STAG1: variants seen among roughly 807,000 people sequenced by gnomAD.
STAG1 encodes the protein cohesin subunit SA-1.
A neutral mutation model predicts 170.9 loss-of-function variants in STAG1; 26 were observed. That is an observed-to-expected ratio of 0.15 (90% confidence interval 0.11 to 0.21). The LOEUF (loss-of-function observed/expected upper bound fraction) is 0.21, where lower values mean the gene tolerates loss of function less well. Among genes scored for constraint, STAG1 ranks in the 10% least tolerant of loss-of-function variants. STAG1 has a pLI of 1.00. For missense variants in STAG1, 964 were observed against 1,509.5 expected, an observed-to-expected ratio of 0.64 and a Z score of 5.99; for synonymous variants, 514 against 497.7, an observed-to-expected ratio of 1.03 and a Z score of -0.44.
chr3:136,488,814 A>G (rs1230126198), intron 9 of STAG1, among the ~76,000 whole-genome samples: 4 of 152,220 alleles, frequency 2.6e-5, no homozygotes, highest in Admixed American at 6.5e-5. Context: ...TGATTACAAC[A>G]TATCTTTTGA....
chr3:136,645,795 C>G (rs575405544), intron 1 of STAG1, among the ~76,000 whole-genome samples: 2 of 152,104 alleles, frequency 1.3e-5, no homozygotes, highest in African/African-American at 4.8e-5. Context: ...ACATATATAC[C>G]ACCGTTTAAT....
intron 5 of STAG1, among the ~76,000 whole-genome samples, chr3:136,561,449 T>C (rs1431461949): frequency 6.6e-6 from 1 of 152,258 alleles, no homozygotes; most frequent in Non-Finnish European, 1.5e-5. Flanking sequence ...ACCATCACAG[T>C]GAAATGTAAA....
Position 136,428,526 on chromosome 3 carries a change from GGGTCCATAGAACCCTTAAA to G in STAG1, c.1650+5011_1650+5029del, listed in dbSNP as rs1268787779. Among the ~76,000 whole-genome samples, 8 of 152,200 alleles carry G rather than the reference GGGTCCATAGAACCCTTAAA, an allele frequency of 5.3e-5. No individual in the cohort carries two copies. The East Asian group carries it at 1.5e-3, about 29-fold the overall frequency. On this transcript the variant is annotated intron_variant, in intron 16 of 33. Transcript: ENST00000383202. ...ATCTCTAAATCAGCCTACAGATCAG[GGGTCCATAGAACCCTTAAA>G]GGTCATTAAACATAGTACTCAATGG...
intron 4 of STAG1, among the ~76,000 whole-genome samples, chr3:136,592,622 C>T (rs973928807): frequency 6.6e-5 from 10 of 152,102 alleles, no homozygotes; most frequent in African/African-American, 2.4e-4. Context: ...TGATGGTGAC[C>T]ACCAGAACTA....
At chr3:136,708,353 TAAGTAA>T (rs1943284445) in intron 1 of STAG1, among the ~76,000 whole-genome samples, 1 of 151,864 alleles carries the variant, frequency 6.6e-6, no homozygotes, top group African/African-American at 2.4e-5. Flanking sequence ...AACATGACAC[TAAGTAA>T]AAGAAGCCAA....
chr3:136,357,389 T>C (rs930258881), intron 28 of STAG1, among the ~76,000 whole-genome samples: 4 of 152,144 alleles, frequency 2.6e-5, no homozygotes, highest in African/African-American at 4.8e-5. Context: ...ACAAGTCAAA[T>C]AGAATATAAA....
chr3:136,715,171 C>CTTT (rs35662353), intron 1 of STAG1, among the ~76,000 whole-genome samples: 60 of 133,838 alleles, frequency 4.5e-4, no homozygotes, highest in Admixed American at 6.0e-4. Context: ...GGTTTTTTAA[C>CTTT]TTTTTTTTTT....
At chr3:136,366,643 C>T (rs1937083415) in intron 25 of STAG1, among the ~76,000 whole-genome samples, 2 of 152,144 alleles carry the variant, frequency 1.3e-5, no homozygotes, top group Non-Finnish European at 1.5e-5. Context: ...CCATCTGTGC[C>T]TGTCAGGCCA....
intron 26 of STAG1, among the ~76,000 whole-genome samples, chr3:136,360,039 C>T (rs1936800952): frequency 6.6e-6 from 1 of 152,020 alleles, no homozygotes; most frequent in Admixed American, 6.5e-5. Flanking sequence ...CAAAATATAC[C>T]AAAAAGTTCT....
chr3:136,682,236 G>T (rs1576758456), intron 1 of STAG1, among the ~76,000 whole-genome samples: 1 of 151,640 alleles, frequency 6.6e-6, no homozygotes, highest in African/African-American at 2.4e-5. Context: ...ATCAGCCTGG[G>T]AAACATGGTG....
intron 9 of STAG1, among the ~76,000 whole-genome samples, chr3:136,485,951 C>G (rs2090002114): frequency 6.6e-6 from 1 of 152,168 alleles, no homozygotes; most frequent in Non-Finnish European, 1.5e-5. Flanking sequence ...TTTGCTTTTA[C>G]TAACAATGAG....
chr3:136,467,917 C>T (rs993429863), intron 12 of STAG1, among the ~76,000 whole-genome samples: 2 of 152,108 alleles, frequency 1.3e-5, no homozygotes, highest in Admixed American at 6.6e-5. Context: ...CTAATGGGTA[C>T]ATAACGAAAT....
intron 1 of STAG1, among the ~76,000 whole-genome samples, chr3:136,740,600 C>G (rs1934613209): frequency 6.6e-6 from 1 of 151,956 alleles, no homozygotes; most frequent in South Asian, 2.1e-4. Context: ...CTGCCTCAGC[C>G]CCCCAAGTAG....
chr3:136,667,389 AAAAG>A (rs1442104452), intron 1 of STAG1, among the ~76,000 whole-genome samples: 1 of 152,076 alleles, frequency 6.6e-6, no homozygotes, highest in Non-Finnish European at 1.5e-5. Context: ...CTCTTAACAA[AAAAG>A]AAAGATAGAT....
intron 23 of STAG1, among the ~76,000 whole-genome samples, chr3:136,370,873 C>G (rs1177627832): frequency 4.6e-5 from 7 of 152,298 alleles, no homozygotes; most frequent in African/African-American, 1.4e-4. Context: ...TGGGTATATA[C>G]CCAGTAATGG....
rs576793683 is a variant in STAG1, at chr3:136,521,483, T to C, written c.472-66A>G. 25 of 1,427,210 alleles carry C rather than the reference T, an allele frequency of 1.8e-5. No individual in the cohort carries two copies. In the South Asian group the frequency reaches 3.0e-4, roughly 17 times the overall value. The allele number at this position is 1,427,210 out of a possible 1,614,324, so 88.4% of individuals were successfully genotyped here. On this transcript the variant is annotated intron_variant, in intron 6 of 33. Transcript: ENST00000383202. ...CAGAGTTTGATGAAAGCTTTTTTTT[T>C]CTTCCTACCTACATAGGAACCCTTT...
chr3:136,347,395 CAAAAAA>C (rs34533734), intron 29 of STAG1, among the ~76,000 whole-genome samples: 5 of 78,712 alleles, frequency 6.4e-5, no homozygotes, highest in African/African-American at 5.2e-5. Context: ...GATCCTGTCT[CAAAAAA>C]AAAAAAAAAA....
intron 1 of STAG1, among the ~76,000 whole-genome samples, chr3:136,674,193 A>T (rs1230462034): frequency 1.2e-5 from 1 of 82,720 alleles, no homozygotes; most frequent in African/African-American, 5.8e-5. Context: ...GAGGGAGGGA[A>T]GGAGGGAAGG....
chr3:136,568,917 A>AG (rs1937170462), intron 4 of STAG1, 56 bp from the exon 5 acceptor site: 2 of 1,310,546 alleles, frequency 1.5e-6, no homozygotes. Context: ...ATTATAGCAA[A>AG]TAAATTTTCA....
Sources: allele counts gnomAD v4.1 joint callset (sites outside exome capture counted in the v4.1 genomes callset), GRCh38; gene constraint gnomAD v4.1.1; transcripts MANE v1.5; gene names NCBI Gene and HGNC (gene_info 2026-07-23, HGNC 2026-07-21).